The following INSL6 variants were observed in gnomAD, a reference collection of about 807,000 sequenced individuals.
The protein encoded by INSL6 is insulin like 6, also known as insulin-like peptide INSL6.
A neutral mutation model predicts 9.4 loss-of-function variants in INSL6; 16 were observed. That is an observed-to-expected ratio of 1.70 (90% CI 1.15 to 2.59). The LOEUF (loss-of-function observed/expected upper bound fraction) is 2.59. Ranked by LOEUF, INSL6 falls within the 30% of genes most tolerant of loss-of-function variation. The probability of loss-of-function intolerance (pLI) is 0.00; values close to 1 mark genes in which losing one functional copy is unlikely to be tolerated. For missense variants in INSL6, 391 were observed against 257.3 expected (o/e 1.52, Z -3.56); for synonymous variants, 154 against 96.9 (o/e 1.59, Z -3.46).
chr9:5,029,077 T>G, the INSL6 span, among the ~76,000 whole-genome samples: 37,391 of 152,202 alleles, frequency 0.25, 4,935 homozygotes, highest in South Asian at 0.31. Context: ...CCTTCCTCAC[T>G]TAGTTTAATT....
At chr9:5,072,667 T>G in the INSL6 span, 1 of 1,474,230 alleles carries the variant, frequency 6.8e-7, no homozygotes, top group Admixed American at 2.1e-5. Context: ...TTTATGCTGT[T>G]TAAAGATGTG....
chr9:5,155,198 C>G (rs1430951294), intron 2 of INSL6, among the ~76,000 whole-genome samples: 1 of 151,622 alleles, frequency 6.6e-6, no homozygotes, highest in South Asian at 2.1e-4. Context: ...AGCTGGAAAC[C>G]ATCATTCTCA....
At chr9:5,019,237 G>A in the INSL6 span, among the ~76,000 whole-genome samples, 2 of 152,040 alleles carry the variant, frequency 1.3e-5, no homozygotes, top group Non-Finnish European at 2.9e-5. Flanking sequence ...TGCAGGCTTT[G>A]TTCATTCTTT....
the INSL6 span, among the ~76,000 whole-genome samples, chr9:5,081,473 T>C: frequency 6.6e-6 from 1 of 152,226 alleles, no homozygotes; most frequent in Non-Finnish European, 1.5e-5. Context: ...GTATATTACC[T>C]TACTTTATGA....
At chr9:5,058,945 T>C in the INSL6 span, among the ~76,000 whole-genome samples, 1 of 152,222 alleles carries the variant, frequency 6.6e-6, no homozygotes, top group Non-Finnish European at 1.5e-5. Flanking sequence ...TTTTCAAATA[T>C]ATGATTTGCA....
chr9:5,028,651 G>C, the INSL6 span, among the ~76,000 whole-genome samples: 2 of 152,166 alleles, frequency 1.3e-5, no homozygotes, highest in Non-Finnish European at 2.9e-5. Context: ...AGTGATCTTT[G>C]TTAGATCTTT....
the INSL6 span, among the ~76,000 whole-genome samples, chr9:5,118,516 G>C: frequency 6.6e-6 from 1 of 152,128 alleles, no homozygotes; most frequent in Admixed American, 6.6e-5. Context: ...AACAAATTTG[G>C]ATAATTGCTT....
the INSL6 span, among the ~76,000 whole-genome samples, chr9:5,030,888 GA>G: frequency 1.3e-5 from 2 of 151,812 alleles, no homozygotes; most frequent in Admixed American, 1.3e-4. Flanking sequence ...GACAATTGGT[GA>G]AAAAAATAAA....
chr9:5,145,009 T>G (rs753668695), intron 2 of INSL6, among the ~76,000 whole-genome samples: 7 of 152,228 alleles, frequency 4.6e-5, no homozygotes, highest in Non-Finnish European at 7.3e-5. Context: ...GTCATTATAA[T>G]GCTGGCTGGT....
the INSL6 span, among the ~76,000 whole-genome samples, chr9:5,105,344 T>A: frequency 6.6e-6 from 1 of 152,208 alleles, no homozygotes; most frequent in Admixed American, 6.5e-5. Context: ...GAATCCAACT[T>A]ACAAGAGATG....
chr9:5,033,486 G>C, the INSL6 span, among the ~76,000 whole-genome samples: 1 of 152,202 alleles, frequency 6.6e-6, no homozygotes. Flanking sequence ...AGGGCAGCCA[G>C]AGAGAAAGGT....
the INSL6 span, among the ~76,000 whole-genome samples, chr9:5,014,814 G>A: frequency 6.6e-6 from 1 of 152,138 alleles, no homozygotes. Context: ...CTAGAATGTT[G>A]CCAGCAATTT....
chr9:5,181,685 G>A (rs952383880), intron 1 of INSL6, among the ~76,000 whole-genome samples: 2 of 152,166 alleles, frequency 1.3e-5, no homozygotes, highest in African/African-American at 4.8e-5. Flanking sequence ...ACATATTTGT[G>A]ACATCTAAAA....
At chr9:5,183,296 A>T (rs1825498166) in intron 1 of INSL6, among the ~76,000 whole-genome samples, 3 of 152,134 alleles carry the variant, frequency 2.0e-5, no homozygotes, top group Admixed American at 1.3e-4. Context: ...TTTCAATACA[A>T]CTGTGGTTTT....
the INSL6 span, among the ~76,000 whole-genome samples, chr9:5,006,355 T>G: frequency 6.6e-6 from 1 of 152,214 alleles, no homozygotes; most frequent in African/African-American, 2.4e-5. Flanking sequence ...GCTGAGACTT[T>G]GCTGAAGTTG....
chr9:5,169,079 A>C (rs1208417318), intron 1 of INSL6, among the ~76,000 whole-genome samples: 2 of 152,102 alleles, frequency 1.3e-5, no homozygotes, highest in African/African-American at 4.8e-5. Flanking sequence ...GGCATGCGCC[A>C]CCATGCCCGG....
chr9:5,081,646 G>C, the INSL6 span: 2 of 976,154 alleles, frequency 2.0e-6, no homozygotes, highest in East Asian at 4.9e-5. Context: ...GATTATTTTG[G>C]TCAACTTGAA....
chr9:5,102,934 A>C, the INSL6 span, among the ~76,000 whole-genome samples: 5 of 152,200 alleles, frequency 3.3e-5, no homozygotes, highest in Non-Finnish European at 2.9e-5. Context: ...CAGCCACTGC[A>C]AAAACATACC....
the INSL6 span, among the ~76,000 whole-genome samples, chr9:5,073,330 T>TA: frequency 6.6e-6 from 1 of 152,226 alleles, no homozygotes; most frequent in African/African-American, 2.4e-5. Context: ...TAGCAAGTGT[T>TA]ATTTAAAGGC....
Sources: gnomAD v4.1 joint callset for allele counts (sites outside exome capture counted in the v4.1 genomes callset) on GRCh38, gnomAD v4.1.1 for gene constraint, MANE v1.5 for transcripts, NCBI Gene and HGNC (gene_info 2026-07-23, HGNC 2026-07-21) for gene names.